Variants in SUPT3H observed in about 807,000 individuals in gnomAD.
SUPT3H encodes transcription initiation protein SPT3 homolog.
In SUPT3H, 44 loss-of-function variants were observed where a neutral mutation model predicts 44.3. The ratio of observed to expected loss-of-function variants is 0.99; its 90% CI spans 0.78 to 1.28. SUPT3H has a LOEUF of 1.28. Among genes scored for constraint, SUPT3H ranks in the 50% most tolerant of loss-of-function variants. SUPT3H has a pLI of 0.00. For missense variants in SUPT3H, 380 were observed against 387.1 expected, an observed-to-expected ratio of 0.98 and a Z score of 0.15; for synonymous variants, 124 against 125.6, an observed-to-expected ratio of 0.99 and a Z score of 0.09.
chr6:44,949,612 A>C (rs1773956989), intron 9 of SUPT3H, among the ~76,000 whole-genome samples: 2 of 9,260 alleles, frequency 2.2e-4, no homozygotes, highest in African/African-American at 2.5e-4. Context: ...CTTTGCCTGC[A>C]AAAAAAAAAA....
rs571862458 is a variant in SUPT3H, at chr6:44,933,324, T to C, written c.802-561A>G. ...GAAACCAACAACTTTCTGTTTTAATTTGCCGCATCTGTAAAAGGCAGGTTT... is the reference window on the plus strand; with the variant it reads ...GAAACCAACAACTTTCTGTTTTAATCTGCCGCATCTGTAAAAGGCAGGTTT... On this transcript the variant is annotated intron_variant, in intron 9 of 10. Transcript: ENST00000371459. Among the ~76,000 whole-genome samples, 24 of 152,276 alleles carry C rather than the reference T, an allele frequency of 1.6e-4. No homozygotes were observed. The South Asian group carries it at 5.0e-3, about 32-fold the overall frequency.
chr6:45,190,439 A>T (rs1814937105), intron 2 of SUPT3H, among the ~76,000 whole-genome samples: 1 of 152,040 alleles, frequency 6.6e-6, no homozygotes, highest in South Asian at 2.1e-4. Context: ...AATTTTTACA[A>T]ATGTTTTTCC....
At chr6:45,185,467 G>C (rs1441259390) in intron 2 of SUPT3H, among the ~76,000 whole-genome samples, 4 of 152,166 alleles carry the variant, frequency 2.6e-5, no homozygotes, top group Admixed American at 1.3e-4. Context: ...CAAAAATAAA[G>C]TGGGAGGAGT....
At chr6:44,913,834 C>G (rs976086320) in intron 10 of SUPT3H, among the ~76,000 whole-genome samples, 1 of 152,074 alleles carries the variant, frequency 6.6e-6, no homozygotes, top group South Asian at 2.1e-4. Context: ...ATTTTTCAGA[C>G]AAAAGCTTCC....
intron 3 of SUPT3H, among the ~76,000 whole-genome samples, chr6:45,077,655 A>G (rs943683213): frequency 1.3e-5 from 2 of 150,014 alleles, no homozygotes; most frequent in Admixed American, 1.3e-4. Flanking sequence ...AAAGAAAAAA[A>G]AAAGTGTTCA....
intron 2 of SUPT3H, among the ~76,000 whole-genome samples, chr6:45,155,354 C>T (rs557666913): frequency 7.9e-5 from 12 of 152,174 alleles, no homozygotes; most frequent in Admixed American, 5.9e-4. Context: ...AAAGAACCAT[C>T]TTAAGTTAAT....
At chr6:45,292,163 C>CA (rs1339036531) in intron 2 of SUPT3H, among the ~76,000 whole-genome samples, 1 of 152,128 alleles carries the variant, frequency 6.6e-6, no homozygotes, top group Non-Finnish European at 1.5e-5. Context: ...TGATTTTTGT[C>CA]AAGCATTTTG....
chr6:44,998,433 T>G (rs564857650), intron 6 of SUPT3H, among the ~76,000 whole-genome samples: 56 of 151,964 alleles, frequency 3.7e-4, no homozygotes, highest in Non-Finnish European at 6.9e-4. Flanking sequence ...GGCTATATCA[T>G]TATTCACTGC....
chr6:45,003,617 G>A, intron 6 of SUPT3H, 36 bp downstream of exon 6: 1 of 1,605,658 alleles, frequency 6.2e-7, no homozygotes, highest in Non-Finnish European at 8.5e-7. Context: ...TGCAATGATT[G>A]TTCTATTTCT....
intron 6 of SUPT3H, among the ~76,000 whole-genome samples, chr6:44,994,758 A>G (rs1477142884): frequency 6.6e-6 from 1 of 152,152 alleles, no homozygotes; most frequent in Admixed American, 6.6e-5. Context: ...CCTGAAGATT[A>G]GGCCAACAAA....
At position 44,880,129 on chromosome 6, in the gene SUPT3H, C is replaced by T. The variant is rs532271535; in HGVS notation, c.913-50272G>A. Among the ~76,000 whole-genome samples, 15 of 151,970 alleles carry T rather than the reference C, an allele frequency of 9.9e-5. No homozygotes were observed. The South Asian group carries it at 1.0e-3, about 11-fold the overall frequency. ...GAAGGTGGGTAATAACAAACTTCTCCGAGCTAAAGGAGCATATTCCAACCC... is the reference window on the plus strand; with the variant it reads ...GAAGGTGGGTAATAACAAACTTCTCTGAGCTAAAGGAGCATATTCCAACCC... On this transcript the variant is annotated intron_variant, in intron 10 of 10. Transcript: ENST00000371459.
At chr6:44,888,293 C>A (rs1261524480) in intron 10 of SUPT3H, among the ~76,000 whole-genome samples, 4 of 152,112 alleles carry the variant, frequency 2.6e-5, no homozygotes, top group African/African-American at 7.2e-5. Context: ...GATACCAAAG[C>A]CGGGCAGAGA....
intron 3 of SUPT3H, among the ~76,000 whole-genome samples, chr6:45,105,704 T>A (rs914555227): frequency 8.5e-5 from 13 of 152,204 alleles, no homozygotes; most frequent in Non-Finnish European, 4.4e-5. Flanking sequence ...ATTTTCGATA[T>A]CATGATTGTG....
intron 1 of SUPT3H, among the ~76,000 whole-genome samples, chr6:45,375,118 A>C (rs1796599632): frequency 6.6e-6 from 1 of 152,188 alleles, no homozygotes; most frequent in South Asian, 2.1e-4. Context: ...GAGGCAGGAG[A>C]ATCGCTTGAA....
intron 2 of SUPT3H, among the ~76,000 whole-genome samples, chr6:45,140,454 A>G (rs375280962): frequency 2.0e-5 from 3 of 152,236 alleles, no homozygotes; most frequent in African/African-American, 7.2e-5. Flanking sequence ...AACTCAGGCA[A>G]TTACATCAAC....
At chr6:45,246,537 C>A (rs904518994) in intron 2 of SUPT3H, among the ~76,000 whole-genome samples, 5 of 152,214 alleles carry the variant, frequency 3.3e-5, no homozygotes, top group African/African-American at 1.2e-4. Flanking sequence ...AAAGCATTTG[C>A]TCTTAAGAAT....
Position 44,932,711 on chromosome 6 carries a change from TGGCAG to T in SUPT3H, c.849_853del (p.Cys284HisfsTer35). On this transcript the variant is annotated frameshift_variant, in exon 10 of 11. Coordinates refer to ENST00000371459, the MANE Select transcript of SUPT3H (RefSeq NM_003599.4). LOFTEE classifies it high-confidence loss of function. Reference sequence around the variant, plus strand: ...GTAGCGTCGAATGGCCTCTCTGATGTGGCAGGGCTGGATGGCATCGCTGTGAGCCT... The same window carrying T: ...GTAGCGTCGAATGGCCTCTCTGATGTGGCTGGATGGCATCGCTGTGAGCCT... The T allele has an allele frequency of 1.2e-6, 2 of 1,611,738 alleles. No individual in the cohort carries two copies. The highest frequency in any genetic ancestry group is 1.7e-6 in the Non-Finnish European group (2 of 1,179,038).
chr6:44,888,197 T>C (rs944151300), intron 10 of SUPT3H, among the ~76,000 whole-genome samples: 10 of 152,204 alleles, frequency 6.6e-5, no homozygotes, highest in African/African-American at 9.6e-5. Flanking sequence ...CAAGGAGGAA[T>C]TGGTACCATT....
intron 2 of SUPT3H, among the ~76,000 whole-genome samples, chr6:45,111,102 C>T (rs916754886): frequency 7.3e-5 from 11 of 150,234 alleles, no homozygotes; most frequent in East Asian, 2.0e-4. Context: ...GCGCGACCTT[C>T]GCTCACTGCA....
Sources: allele counts gnomAD v4.1 joint callset (sites outside exome capture counted in the v4.1 genomes callset), GRCh38; gene constraint gnomAD v4.1.1; transcripts MANE v1.5; gene names NCBI Gene and HGNC (gene_info 2026-07-23, HGNC 2026-07-21).